DAB1: variants seen among roughly 807,000 people sequenced by gnomAD.
The protein encoded by DAB1 is DAB adaptor protein 1, also known as disabled homolog 1.
Under a neutral mutation model 64.6 loss-of-function variants are expected in DAB1, and 15 were observed. The observed-to-expected ratio is 0.23, with a 90% CI of 0.16 to 0.36. The LOEUF (loss-of-function observed/expected upper bound fraction) is 0.36. Among genes scored for constraint, DAB1 ranks in the 10% least tolerant of loss-of-function variants. DAB1 has a pLI of 1.00. For missense variants in DAB1, 596 were observed against 706.7 expected, an observed-to-expected ratio of 0.84 and a Z score of 1.78; for synonymous variants, 235 against 251.9, an observed-to-expected ratio of 0.93 and a Z score of 0.64.
At chr1:58,454,966 C>G (rs139869803) in intron 3 of DAB1, among the ~76,000 whole-genome samples, 4 of 152,312 alleles carry the variant, frequency 2.6e-5, no homozygotes, top group Non-Finnish European at 5.9e-5. Context: ...GTGACGTGTA[C>G]CATCCGAAAC....
At position 57,996,604 on chromosome 1, in the gene DAB1, G is replaced by A. The variant is rs937868026; in HGVS notation, n.388-112442C>T. Among the ~76,000 whole-genome samples, 3 of 152,170 alleles carry A rather than the reference G, an allele frequency of 2.0e-5. No individual in the cohort carries two copies. The East Asian group carries it at 5.8e-4, about 29-fold the overall frequency. On this transcript the variant is annotated intron_variant and non_coding_transcript_variant, in intron 5 of 20. Coordinates refer to the DAB1 transcript ENST00000485760. ...TTATAGATGTCAAATCACTTTGACA[G>A]CATCTTCCGACTGTGACAGAAATAA...
At chr1:58,362,118 T>C (rs1358895083) in intron 3 of DAB1, among the ~76,000 whole-genome samples, 1 of 152,080 alleles carries the variant, frequency 6.6e-6, no homozygotes, top group Non-Finnish European at 1.5e-5. Flanking sequence ...CATATTCCCA[T>C]GGAATGTTAA....
At chr1:57,932,227 C>A (rs996429920) in intron 5 of DAB1, among the ~76,000 whole-genome samples, 4 of 152,086 alleles carry the variant, frequency 2.6e-5, no homozygotes, top group Admixed American at 2.6e-4. Context: ...CTTTTAAATT[C>A]GTTAAAGTTT....
chr1:57,320,060 G>A (rs190239412), intron 1 of DAB1, among the ~76,000 whole-genome samples: 7 of 152,138 alleles, frequency 4.6e-5, no homozygotes, highest in Non-Finnish European at 1.0e-4. Flanking sequence ...TGTTATATCC[G>A]ATAACAAATG....
chr1:57,785,081 T>C (rs1224476236), intron 6 of DAB1, among the ~76,000 whole-genome samples: 1 of 152,188 alleles, frequency 6.6e-6, no homozygotes, highest in Non-Finnish European at 1.5e-5. Flanking sequence ...TTATGCTAAA[T>C]CTACTCTGCC....
intron 1 of DAB1, chr1:58,534,365 G>T (rs925851593): frequency 3.7e-6 from 3 of 805,932 alleles, no homozygotes; most frequent in East Asian, 2.5e-5. Context: ...TATTTTAAAA[G>T]AGCACTACAA....
chr1:58,393,768 T>G (rs1156978408), intron 3 of DAB1, among the ~76,000 whole-genome samples: 3 of 152,108 alleles, frequency 2.0e-5, no homozygotes, highest in African/African-American at 7.2e-5. Context: ...GGCACAAGAT[T>G]CCAGTTTTAC....
chr1:58,501,410 T>G (rs921184344), intron 3 of DAB1, among the ~76,000 whole-genome samples: 19 of 152,310 alleles, frequency 1.2e-4, no homozygotes, highest in African/African-American at 4.6e-4. Context: ...ATAAGTGACC[T>G]TGTCACTCCT....
At chr1:57,541,928 G>A (rs377088125) in intron 7 of DAB1, among the ~76,000 whole-genome samples, 44 of 152,198 alleles carry the variant, frequency 2.9e-4, no homozygotes, top group Admixed American at 7.9e-4. Flanking sequence ...GTTTTAAACC[G>A]CAGGGGGCTG....
At chr1:57,668,354 T>G (rs1193763065) in intron 6 of DAB1, among the ~76,000 whole-genome samples, 1 of 152,130 alleles carries the variant, frequency 6.6e-6, no homozygotes, top group Non-Finnish European at 1.5e-5. Context: ...GTACCTACCT[T>G]AGAGGTAAAG....
At chr1:57,978,346 G>A (rs982877723) in intron 5 of DAB1, among the ~76,000 whole-genome samples, 1 of 152,152 alleles carries the variant, frequency 6.6e-6, no homozygotes, top group African/African-American at 2.4e-5. Context: ...ATGGTGCTGG[G>A]AAAACTGGCT....
rs1053365511 is a variant in DAB1, at chr1:58,350,807, T to C, written n.258-7404A>G. ...TTTCTGAGGCCTCTGTTCTGTTCTA[T>C]TGGTCTATATAACTGTTTTGGTACC... On this transcript the variant is annotated intron_variant and non_coding_transcript_variant, in intron 3 of 20. Transcript: ENST00000485760. Among the ~76,000 whole-genome samples, 4 of 152,214 alleles carry C rather than the reference T, an allele frequency of 2.6e-5. 1 individual carries two copies. Among genetic ancestry groups the C allele is most frequent in the African/African-American group, 9.6e-5 (4 of 41,458 alleles).
chr1:57,447,366 T>C (rs1314975523), intron 7 of DAB1, among the ~76,000 whole-genome samples: 2 of 152,190 alleles, frequency 1.3e-5, no homozygotes, highest in Admixed American at 1.3e-4. Context: ...ATCACCCTCT[T>C]AAGATTCTTA....
chr1:58,314,848 T>C (rs891598183), intron 4 of DAB1, among the ~76,000 whole-genome samples: 8 of 152,222 alleles, frequency 5.3e-5, no homozygotes, highest in Admixed American at 3.9e-4. Flanking sequence ...GGATGAATGT[T>C]GAGTAAAGGA....
rs530329887 is a variant in DAB1, at chr1:57,223,075, A to C, written c.67+67889T>G. 2.6e-3 allele frequency among the ~76,000 whole-genome samples: 395 copies of C among 152,154 alleles called. 4 individuals carry two copies. The highest frequency in any genetic ancestry group is 9.3e-3 in the African/African-American group (385 of 41,480). On this transcript the variant is annotated intron_variant, in intron 2 of 14. Transcript: ENST00000371236. ...CTGTCCTTTCTCTGAATGCTCCTGC[A>C]GAAGATCTCCACCAGCTGACATGTA...
At chr1:57,875,915 C>T (rs955589867) in intron 1 of DAB1, among the ~76,000 whole-genome samples, 1 of 152,116 alleles carries the variant, frequency 6.6e-6, no homozygotes, top group African/African-American at 2.4e-5. Flanking sequence ...ATTTCTGAAA[C>T]ATATATATTA....
chr1:58,471,669 T>G (rs338236), intron 3 of DAB1, among the ~76,000 whole-genome samples: 3,135 of 152,268 alleles, frequency 0.021, 103 homozygotes, highest in African/African-American at 0.071. Context: ...GATGAGTGGT[T>G]TAGCACTATC....
chr1:57,503,320 C>T (rs918868190), intron 7 of DAB1, among the ~76,000 whole-genome samples: 2 of 152,180 alleles, frequency 1.3e-5, no homozygotes, highest in Non-Finnish European at 2.9e-5. Context: ...AATGCAGTAG[C>T]CTTGTTGTTT....
chr1:57,367,930 C>T (rs894011108), intron 1 of DAB1, among the ~76,000 whole-genome samples: 1 of 152,230 alleles, frequency 6.6e-6, no homozygotes, highest in African/African-American at 2.4e-5. Flanking sequence ...CTCCTGGGTG[C>T]AGCTGCAGCC....
Sources: gnomAD v4.1 joint callset for allele counts (sites outside exome capture counted in the v4.1 genomes callset) on GRCh38, gnomAD v4.1.1 for gene constraint, MANE v1.5 for transcripts, NCBI Gene and HGNC (gene_info 2026-07-23, HGNC 2026-07-21) for gene names.